The following GPC5 variants were observed in gnomAD, a reference collection of about 807,000 sequenced individuals.
GPC5 encodes the protein glypican-5.
GPC5 carries 47 observed loss-of-function variants against 53.9 expected under a neutral mutation model. That is an observed-to-expected ratio of 0.87 (90% CI 0.69 to 1.11). The LOEUF is 1.11. GPC5 is among the 50% of genes most tolerant of loss of function. The pLI is 0.00. For missense variants in GPC5, 748 were observed against 713.1 expected (o/e 1.05, Z -0.56); for synonymous variants, 286 against 263.3 (o/e 1.09, Z -0.84).
intron 6 of GPC5, among the ~76,000 whole-genome samples, chr13:92,087,943 T>G (rs2041348836): frequency 6.6e-6 from 1 of 152,078 alleles, no homozygotes; most frequent in Admixed American, 6.5e-5. Context: ...CTACTTTTTT[T>G]TTTTTTAAAG....
chr13:91,418,808 G>T (rs978275810), intron 1 of GPC5, among the ~76,000 whole-genome samples: 5 of 152,024 alleles, frequency 3.3e-5, no homozygotes, highest in Non-Finnish European at 7.4e-5. Flanking sequence ...TAGAGTGGTT[G>T]TAGTACCAAC....
chr13:92,250,171 TAAGAG>T (rs921996159), intron 7 of GPC5, among the ~76,000 whole-genome samples: 3 of 152,032 alleles, frequency 2.0e-5, no homozygotes, highest in African/African-American at 7.2e-5. Context: ...AAAAAAAAAT[TAAGAG>T]AAGGATAAAG....
rs1370105419 is a variant in GPC5 at position 91,441,305 on chromosome 13, T to G, written c.164-7456T>G. Reference sequence around the variant, plus strand: ...CAGGGCAGGGAACTTGAGTAGCCATTAAAGAGGTGTTATCAGACCTTCATT... The same window carrying G: ...CAGGGCAGGGAACTTGAGTAGCCATGAAAGAGGTGTTATCAGACCTTCATT... On this transcript the variant is annotated intron_variant, in intron 1 of 7. Coordinates refer to ENST00000377067, the MANE Select transcript of GPC5 (RefSeq NM_004466.6). Among the ~76,000 whole-genome samples, 3 of 152,324 alleles carry G rather than the reference T, an allele frequency of 2.0e-5. No homozygotes were observed. In the East Asian group the frequency reaches 5.8e-4, roughly 29 times the overall value.
At chr13:92,849,143 G>GGCA (rs147250097) in intron 7 of GPC5, among the ~76,000 whole-genome samples, 23,690 of 151,876 alleles carry the variant, frequency 0.16, 2,230 homozygotes, top group African/African-American at 0.26. Context: ...ACACCATAGG[G>GGCA]GCAAGCAAAG....
intron 7 of GPC5, among the ~76,000 whole-genome samples, chr13:92,398,428 C>CAAAAAAAAAAAAAAAAA (rs35873316): frequency 4.6e-4 from 40 of 87,628 alleles, no homozygotes; most frequent in African/African-American, 1.2e-3. Flanking sequence ...GACTCCGTCT[C>CAAAAAAAAAAAAAAAAA]AAAAAAAAAA....
chr13:91,933,524 T>C (rs1194896018), intron 6 of GPC5, among the ~76,000 whole-genome samples: 1 of 151,974 alleles, frequency 6.6e-6, no homozygotes, highest in Non-Finnish European at 1.5e-5. Flanking sequence ...TACTATTTTA[T>C]GTATTCATCT....
At chr13:92,506,789 C>A (rs1258289898) in intron 7 of GPC5, among the ~76,000 whole-genome samples, 2 of 152,092 alleles carry the variant, frequency 1.3e-5, no homozygotes, top group African/African-American at 4.8e-5. Context: ...CAAGAGTATG[C>A]CTTACTTTAT....
At chr13:91,544,389 T>G (rs1165193015) in intron 2 of GPC5, among the ~76,000 whole-genome samples, 1 of 152,194 alleles carries the variant, frequency 6.6e-6, no homozygotes, top group Non-Finnish European at 1.5e-5. Context: ...TGTATAGTGG[T>G]TAGAGATTGT....
intron 6 of GPC5, among the ~76,000 whole-genome samples, chr13:92,131,877 A>T (rs980771588): frequency 6.6e-6 from 1 of 152,068 alleles, no homozygotes; most frequent in Non-Finnish European, 1.5e-5. Flanking sequence ...AAGTAGATTA[A>T]TAAAGCACAT....
intron 7 of GPC5, among the ~76,000 whole-genome samples, chr13:92,857,803 TA>T (rs1361752817): frequency 1.3e-5 from 2 of 152,016 alleles, no homozygotes; most frequent in African/African-American, 4.8e-5. Flanking sequence ...TGGCTATTAT[TA>T]AAAAGTCAAA....
rs1876682807 is a variant in GPC5, at chr13:91,398,907, C to G, written c.-140C>G. On this transcript the variant is annotated 5_prime_UTR_variant, in exon 1 of 8. Coordinates refer to ENST00000377067, the MANE Select transcript of GPC5 (RefSeq NM_004466.6). Reference sequence around the variant, plus strand: ...ACTGCTCCCAGGTGAAGCCGGTGCCCGCGGGCGGTCCGTACACCCCGCAGC... The same window carrying G: ...ACTGCTCCCAGGTGAAGCCGGTGCCGGCGGGCGGTCCGTACACCCCGCAGC... The G allele has an allele frequency of 1.9e-6, 2 of 1,057,624 alleles. No homozygotes were observed. Among genetic ancestry groups the G allele is most frequent in the Admixed American group, 3.1e-5 (1 of 32,066 alleles). The allele number at this position is 1,057,624 out of a possible 1,614,324, so 65.5% of individuals were successfully genotyped here.
intron 2 of GPC5, among the ~76,000 whole-genome samples, chr13:91,578,966 A>G (rs2032244066): frequency 1.3e-5 from 2 of 152,096 alleles, no homozygotes; most frequent in Non-Finnish European, 2.9e-5. Context: ...GGATTGCTTG[A>G]GCCCAGGAGG....
At chr13:92,078,784 T>TA (rs1336120792) in intron 6 of GPC5, among the ~76,000 whole-genome samples, 1 of 152,190 alleles carries the variant, frequency 6.6e-6, no homozygotes, top group African/African-American at 2.4e-5. Flanking sequence ...GGGGAGGGGT[T>TA]AGCATTCACC....
chr13:92,337,063 A>AT (rs752756077), intron 7 of GPC5, among the ~76,000 whole-genome samples: 4 of 152,112 alleles, frequency 2.6e-5, no homozygotes, highest in Admixed American at 6.6e-5. Context: ...ACACATGGGT[A>AT]TTTTTGGAGC....
At chr13:91,490,557 A>T (rs1329887435) in intron 2 of GPC5, among the ~76,000 whole-genome samples, 2 of 152,172 alleles carry the variant, frequency 1.3e-5, no homozygotes, top group Non-Finnish European at 2.9e-5. Flanking sequence ...TTAGTTAAGC[A>T]ATATGGCAAG....
chr13:92,759,926 G>A (rs1022856203), intron 7 of GPC5, among the ~76,000 whole-genome samples: 2 of 152,000 alleles, frequency 1.3e-5, no homozygotes, highest in Non-Finnish European at 2.9e-5. Context: ...ATCAAGAAAG[G>A]ATGTCAAACT....
intron 5 of GPC5, among the ~76,000 whole-genome samples, chr13:91,807,527 T>G (rs1181705494): frequency 3.3e-5 from 5 of 152,162 alleles, no homozygotes; most frequent in African/African-American, 1.2e-4. Flanking sequence ...GTGAGAACAA[T>G]TTTGTTTCTG....
At chr13:92,157,081 T>G (rs1178188793) in intron 7 of GPC5, among the ~76,000 whole-genome samples, 1 of 152,182 alleles carries the variant, frequency 6.6e-6, no homozygotes, top group African/African-American at 2.4e-5. Context: ...TTCAAAGTGA[T>G]TATATTAATT....
intron 6 of GPC5, among the ~76,000 whole-genome samples, chr13:92,111,488 A>G (rs2041556092): frequency 6.6e-6 from 1 of 152,122 alleles, no homozygotes; most frequent in African/African-American, 2.4e-5. Context: ...AGAATAAGTA[A>G]TTGGGAAATT....
Sources: allele counts gnomAD v4.1 joint callset (sites outside exome capture counted in the v4.1 genomes callset), GRCh38; gene constraint gnomAD v4.1.1; transcripts MANE v1.5; gene names NCBI Gene and HGNC (gene_info 2026-07-23, HGNC 2026-07-21).